The following IPCEF1 variants were observed in gnomAD, a reference collection of about 807,000 sequenced individuals.
IPCEF1 encodes interaction protein for cytohesin exchange factors 1.
Under a neutral mutation model 50.9 loss-of-function variants are expected in IPCEF1, and 31 were observed. The observed-to-expected ratio is 0.61, with a 90% CI of 0.46 to 0.82. IPCEF1 has a LOEUF of 0.82. Ranked by LOEUF, IPCEF1 falls within the 40% of genes least tolerant of loss-of-function variation. The probability of loss-of-function intolerance (pLI) is 0.00; values close to 1 mark genes in which losing one functional copy is unlikely to be tolerated. For missense variants in IPCEF1, 458 were observed against 514.0 expected, an observed-to-expected ratio of 0.89 and a Z score of 1.05; for synonymous variants, 181 against 192.0, an observed-to-expected ratio of 0.94 and a Z score of 0.47.
At chr6:154,307,640 C>T (rs1782970393) in intron 1 of IPCEF1, among the ~76,000 whole-genome samples, 1 of 152,168 alleles carries the variant, frequency 6.6e-6, no homozygotes, top group Admixed American at 6.5e-5. Flanking sequence ...CCATACCCGC[C>T]AAGTAGTCTC....
intron 1 of IPCEF1, among the ~76,000 whole-genome samples, chr6:154,342,049 A>G (rs905615585): frequency 6.6e-6 from 1 of 152,182 alleles, no homozygotes; most frequent in Non-Finnish European, 1.5e-5. Flanking sequence ...ACTGGCATGC[A>G]TTACCCAGAC....
chr6:154,163,500 C>T (rs542277927), intron 11 of IPCEF1, among the ~76,000 whole-genome samples: 1 of 152,116 alleles, frequency 6.6e-6, no homozygotes, highest in Admixed American at 6.5e-5. Context: ...CATCACTTAT[C>T]ATATTATACA....
chr6:154,352,836 A>G (rs192542734), intron 1 of IPCEF1, among the ~76,000 whole-genome samples: 2 of 152,344 alleles, frequency 1.3e-5, no homozygotes, highest in South Asian at 4.1e-4. Flanking sequence ...ACCTCTCCCT[A>G]TGAGTACCAA....
intron 5 of IPCEF1, among the ~76,000 whole-genome samples, chr6:154,244,994 A>G (rs1780912347): frequency 6.6e-6 from 1 of 152,158 alleles, no homozygotes. Flanking sequence ...CCCAAAACAA[A>G]GGCCTGAAAT....
intron 3 of IPCEF1, among the ~76,000 whole-genome samples, chr6:154,257,547 A>G (rs755040568): frequency 5.3e-5 from 8 of 152,354 alleles, no homozygotes; most frequent in Middle Eastern, 3.4e-3. Context: ...GAATGTCAAA[A>G]TGTGTACCAC....
chr6:154,225,682 A>G (rs955073566), intron 5 of IPCEF1, among the ~76,000 whole-genome samples: 25 of 152,354 alleles, frequency 1.6e-4, no homozygotes, highest in African/African-American at 5.8e-4. Flanking sequence ...AGGGGGTTGC[A>G]CAACATTGTG....
intron 9 of IPCEF1, among the ~76,000 whole-genome samples, chr6:154,208,348 T>A (rs192416634): frequency 6.6e-6 from 1 of 152,308 alleles, no homozygotes; most frequent in Admixed American, 6.5e-5. Context: ...TGGCTGACTC[T>A]CACACCACCT....
chr6:154,344,301 C>T (rs1783981921), intron 1 of IPCEF1, among the ~76,000 whole-genome samples: 1 of 152,238 alleles, frequency 6.6e-6, no homozygotes, highest in South Asian at 2.1e-4. Context: ...TGTTCCTCCA[C>T]TCGTCGGAGC....
At chr6:154,237,727 C>A (rs1224727143) in intron 5 of IPCEF1, among the ~76,000 whole-genome samples, 1 of 152,118 alleles carries the variant, frequency 6.6e-6, no homozygotes, top group Non-Finnish European at 1.5e-5. Context: ...GTCCCTTATA[C>A]CATGCTGCCG....
chr6:154,240,578 A>C (rs1046633678), intron 5 of IPCEF1, among the ~76,000 whole-genome samples: 1 of 152,218 alleles, frequency 6.6e-6, no homozygotes, highest in Non-Finnish European at 1.5e-5. Context: ...TGTCTCATGA[A>C]AAGAGAAAAT....
intron 10 of IPCEF1, among the ~76,000 whole-genome samples, chr6:154,180,403 TATA>T (rs1182148692): frequency 5.1e-4 from 22 of 42,804 alleles, no homozygotes; most frequent in African/African-American, 1.4e-3. Flanking sequence ...TATATATATA[TATA>T]TATATATATT....
intron 11 of IPCEF1, among the ~76,000 whole-genome samples, chr6:154,165,700 C>A (rs774441645): frequency 5.3e-5 from 8 of 152,348 alleles, no homozygotes; most frequent in Non-Finnish European, 1.2e-4. Flanking sequence ...AATCTCCTCC[C>A]TGAAAATGAG....
At chr6:154,288,689 A>C (rs1583950313) in intron 2 of IPCEF1, among the ~76,000 whole-genome samples, 4 of 103,934 alleles carry the variant, frequency 3.8e-5, no homozygotes, top group African/African-American at 1.4e-4. Context: ...AAAAAAAAAA[A>C]AAAAAAAAAA....
intron 5 of IPCEF1, among the ~76,000 whole-genome samples, chr6:154,240,672 A>C (rs147752280): frequency 1.3e-5 from 2 of 152,366 alleles, no homozygotes; most frequent in Non-Finnish European, 2.9e-5. Flanking sequence ...AGATTCTCAT[A>C]AAACTGATTT....
chr6:154,311,296 T>A (rs1185712726), intron 1 of IPCEF1, among the ~76,000 whole-genome samples: 1 of 152,192 alleles, frequency 6.6e-6, no homozygotes. Flanking sequence ...CTTTCAGTAC[T>A]CCACTTTCTG....
At chr6:154,324,808 GAAAC>G (rs1554224949) in intron 1 of IPCEF1, among the ~76,000 whole-genome samples, 38 of 151,588 alleles carry the variant, frequency 2.5e-4, no homozygotes. Flanking sequence ...ATTCTGTCTC[GAAAC>G]AAACAAAAAA....
intron 10 of IPCEF1, among the ~76,000 whole-genome samples, chr6:154,194,110 T>C (rs1776386332): frequency 6.6e-6 from 1 of 152,114 alleles, no homozygotes; most frequent in African/African-American, 2.4e-5. Context: ...TTTCAAACTG[T>C]TTTACATCTA....
chr6:154,314,965 C>T (rs1367698844), intron 1 of IPCEF1, among the ~76,000 whole-genome samples: 3 of 151,738 alleles, frequency 2.0e-5, no homozygotes, highest in African/African-American at 7.3e-5. Context: ...ACTGCAACCT[C>T]CGCCTCCCAG....
At position 154,194,423 on chromosome 6, in the gene IPCEF1, T is replaced by C. The variant is rs1391141756; in HGVS notation, c.910+5245A>G. On this transcript the variant is annotated intron_variant, in intron 10 of 11. Coordinates refer to ENST00000367220, the MANE Select transcript of IPCEF1 (RefSeq NM_001130700.2). Reference sequence around the variant, plus strand: ...TCAAATAAAATAAAATCCTCACCTCTAAATTTATTCCTTTCTGAGTGGAAG... The same window carrying C: ...TCAAATAAAATAAAATCCTCACCTCCAAATTTATTCCTTTCTGAGTGGAAG... Among the ~76,000 whole-genome samples the C allele has an allele frequency of 2.0e-5, 3 of 152,184 alleles. No homozygotes were observed. In the East Asian group the frequency reaches 5.8e-4, roughly 29 times the overall value.
Sources: allele counts gnomAD v4.1 joint callset (sites outside exome capture counted in the v4.1 genomes callset), GRCh38; gene constraint gnomAD v4.1.1; transcripts MANE v1.5; gene names NCBI Gene and HGNC (gene_info 2026-07-23, HGNC 2026-07-21).